The following UNC45B variants were observed in gnomAD, a reference collection of about 807,000 sequenced individuals.
UNC45B encodes the protein protein unc-45 homolog B.
UNC45B carries 78 observed loss-of-function variants against 98.7 expected under a neutral mutation model. The observed-to-expected ratio is 0.79, with a 90% CI of 0.66 to 0.95. UNC45B has a LOEUF of 0.95. Among genes scored for constraint, UNC45B ranks in the 40% least tolerant of loss-of-function variants. UNC45B has a pLI of 0.00. For missense variants in UNC45B, 1,225 were observed against 1,184.9 expected (o/e 1.03, Z -0.50); for synonymous variants, 462 against 480.4 (o/e 0.96, Z 0.50).
At chr17:35,155,173 G>A (rs2092049888) in intron 6 of UNC45B, 123 bp from the exon 7 acceptor site, 2 of 1,227,290 alleles carry the variant, frequency 1.6e-6, no homozygotes, top group Non-Finnish European at 2.3e-6. Flanking sequence ...GGCAATGGCT[G>A]CCTGGGCTGA....
At position 35,177,868 on chromosome 17, in the gene UNC45B, T is replaced by C. The variant is rs145443981; in HGVS notation, c.2255+258T>C. Among the ~76,000 whole-genome samples the C allele has an allele frequency of 5.1e-3, 768 of 152,022 alleles. 5 individuals carry two copies. The highest frequency in any genetic ancestry group is 5.7e-3 in the Non-Finnish European group (384 of 67,960). On this transcript the variant is annotated intron_variant, in intron 17 of 19. Coordinates refer to ENST00000394570, the MANE Select transcript of UNC45B (RefSeq NM_001267052.2). ...TTTTCTTTTCTCTTCTCTTCTCTTTTCTTTCTTTTCTTTTCTTTTTTTCTT... is the reference window on the plus strand; with the variant it reads ...TTTTCTTTTCTCTTCTCTTCTCTTTCCTTTCTTTTCTTTTCTTTTTTTCTT...
chr17:35,178,098 C>G (rs2092248797), intron 17 of UNC45B, among the ~76,000 whole-genome samples: 1 of 152,056 alleles, frequency 6.6e-6, no homozygotes, highest in Admixed American at 6.5e-5. Flanking sequence ...CAGGGTTTCC[C>G]CATGTTGGCC....
rs2091984656 is a variant in UNC45B, at chr17:35,147,880, G to A, written c.-31G>A. 1 of 188,340 alleles carries A rather than the reference G, an allele frequency of 5.3e-6. No homozygotes were observed. The highest frequency in any genetic ancestry group is 1.1e-5 in the Non-Finnish European group (1 of 89,762). The allele number at this position is 188,340 out of a possible 1,614,324, so 11.7% of individuals were successfully genotyped here. ...CTCAGGGGAGCAGCATCACAAGAGG[G>A]CAGATCGAAAGCATCGTCCTTGCTG... On this transcript the variant is annotated 5_prime_UTR_variant, in exon 1 of 20. Transcript: ENST00000394570.
At chr17:35,175,939 A>T in intron 14 of UNC45B, 29 bp from the exon 15 acceptor site, 1 of 1,610,098 alleles carries the variant, frequency 6.2e-7, no homozygotes, top group South Asian at 1.1e-5. Context: ...TGGTGTATTA[A>T]CTGTTCTCCT....
chr17:35,186,207 A>C (rs189479638), intron 19 of UNC45B, 92 bp from the exon 20 acceptor site: 59 of 1,535,472 alleles, frequency 3.8e-5, no homozygotes, highest in Middle Eastern at 2.4e-4. Flanking sequence ...CCACCTCCTA[A>C]CATTGCCACA....
At chr17:35,157,595 C>T (rs992045945) in intron 7 of UNC45B, among the ~76,000 whole-genome samples, 3 of 152,212 alleles carry the variant, frequency 2.0e-5, no homozygotes, top group African/African-American at 7.2e-5. Context: ...ATATCTTGCT[C>T]TCTAATTCCT....
chr17:35,189,069 A>G lies in UNC45B; in HGVS notation c.*2510A>G, dbSNP rs1176189210. ...CCAACTTTCTAGGTTTTTCCAACCA[A>G]TTCTCTTACAGAAAATCTATAAATA... On this transcript the variant is annotated 3_prime_UTR_variant, in exon 20 of 20. Transcript: ENST00000394570. The G allele has an allele frequency of 6.6e-6, 1 of 152,182 alleles. No homozygotes were observed. Among genetic ancestry groups the G allele is most frequent in the Non-Finnish European group, 1.5e-5 (1 of 68,030 alleles). 9.4% of individuals were successfully genotyped at this position (152,182 alleles called of 1,614,324 possible). A position where few individuals can be genotyped will look rare whatever the true frequency, so the allele number is the denominator to read the frequency against.
At chr17:35,169,411 G>A (rs925135135) in intron 10 of UNC45B, among the ~76,000 whole-genome samples, 4 of 152,040 alleles carry the variant, frequency 2.6e-5, no homozygotes, top group Non-Finnish European at 5.9e-5. Context: ...GCCCCCCTAA[G>A]AAAAGTCCAA....
At chr17:35,154,801 G>C in intron 6 of UNC45B, 60 bp downstream of exon 6, 2 of 1,489,988 alleles carry the variant, frequency 1.3e-6, no homozygotes, top group Non-Finnish European at 1.8e-6. Context: ...GATCCGGAGG[G>C]TGACGTGTGG....
chr17:35,164,301 G>T, intron 9 of UNC45B, 135 bp downstream of exon 9: 2 of 1,072,092 alleles, frequency 1.9e-6, no homozygotes, highest in South Asian at 3.6e-5. Context: ...TTTGGGAGTG[G>T]TTTGGCTGGG....
At chr17:35,178,353 T>C (rs918053076) in intron 17 of UNC45B, among the ~76,000 whole-genome samples, 67 of 152,256 alleles carry the variant, frequency 4.4e-4, no homozygotes, top group Non-Finnish European at 6.6e-4. Flanking sequence ...TTGAGAAGTG[T>C]CTGTTCATAT....
chr17:35,166,260 C>G (rs935355734), intron 9 of UNC45B, among the ~76,000 whole-genome samples: 1 of 146,940 alleles, frequency 6.8e-6, no homozygotes, highest in Non-Finnish European at 1.5e-5. Flanking sequence ...AGCGTGAGAC[C>G]CCGTCTCAAA....
rs769869610 is a variant in UNC45B, at chr17:35,186,589, T to C, written c.*30T>C. 1.9e-5 allele frequency: 30 copies of C among 1,610,808 alleles called. No individual in the cohort carries two copies. Among genetic ancestry groups the C allele is most frequent in the Non-Finnish European group, 2.5e-5 (30 of 1,178,208 alleles). The stretch of plus-strand genomic sequence containing the variant: ...CGACCCTCAGGGATGCTGGGAGTGG[T>C]CCTGTACTGTGCAGAGTCCTGGGTT... On this transcript the variant is annotated 3_prime_UTR_variant, in exon 20 of 20. Transcript: ENST00000394570.
At chr17:35,174,182 C>G in intron 13 of UNC45B, 60 bp from the exon 14 acceptor site, 1 of 1,609,448 alleles carries the variant, frequency 6.2e-7, no homozygotes, top group Non-Finnish European at 8.5e-7. Context: ...TCTTTGGTTC[C>G]AATACCGATT....
chr17:35,166,056 A>C (rs1404214060), intron 9 of UNC45B, among the ~76,000 whole-genome samples: 1 of 139,540 alleles, frequency 7.2e-6, no homozygotes, highest in African/African-American at 2.6e-5. Flanking sequence ...TTTGAGACCA[A>C]CCCAGGCAAT....
At position 35,188,724 on chromosome 17, in the gene UNC45B, A is replaced by T. The variant is rs1240852762; in HGVS notation, c.*2165A>T. On this transcript the variant is annotated 3_prime_UTR_variant, in exon 20 of 20. Coordinates refer to ENST00000394570, the MANE Select transcript of UNC45B (RefSeq NM_001267052.2). ...ACATTCTTTAACATGAATATTTTGT[A>T]AATAGTCCAAGAAGATCTAGAGGAA... The T allele has an allele frequency of 1.3e-5, 2 of 152,152 alleles. No homozygotes were observed. Among genetic ancestry groups the T allele is most frequent in the Non-Finnish European group, 2.9e-5 (2 of 68,018 alleles). The allele number at this position is 152,152 out of a possible 1,614,324, so 9.4% of individuals were successfully genotyped here. A position where few individuals can be genotyped will look rare whatever the true frequency, so the allele number is the denominator to read the frequency against.
intron 15 of UNC45B, 32 bp downstream of exon 15, chr17:35,176,066 C>T (rs1311486548): frequency 6.2e-7 from 1 of 1,607,594 alleles, no homozygotes; most frequent in Admixed American, 1.7e-5. Context: ...TAGAAGGTGC[C>T]TTTGTGCATG....
chr17:35,164,208 G>T (rs757314386), intron 9 of UNC45B, 42 bp downstream of exon 9: 2 of 1,567,206 alleles, frequency 1.3e-6, no homozygotes, highest in Non-Finnish European at 1.7e-6. Flanking sequence ...CTCTGTCTTG[G>T]TTATCTATGG....
chr17:35,163,913 T>C, intron 8 of UNC45B, 82 bp from the exon 9 acceptor site: 1 of 1,415,754 alleles, frequency 7.1e-7, no homozygotes, highest in Non-Finnish European at 9.5e-7. Context: ...GAGAAGCTGA[T>C]GATAACAAGT....
Sources: gnomAD v4.1 joint callset for allele counts (sites outside exome capture counted in the v4.1 genomes callset) on GRCh38, gnomAD v4.1.1 for gene constraint, MANE v1.5 for transcripts, NCBI Gene and HGNC (gene_info 2026-07-23, HGNC 2026-07-21) for gene names.